The following ANKAR variants were observed in gnomAD, a reference collection of about 807,000 sequenced individuals.
ANKAR encodes the protein ankyrin and armadillo repeat-containing protein.
A neutral mutation model predicts 146.2 loss-of-function variants in ANKAR; 136 were observed. The ratio of observed to expected loss-of-function variants is 0.93; its 90% CI spans 0.81 to 1.07. The LOEUF (loss-of-function observed/expected upper bound fraction) is 1.07. Ranked by LOEUF, ANKAR falls within the 50% of genes least tolerant of loss-of-function variation. The pLI is 0.00. For missense variants in ANKAR, 1,567 were observed against 1,679.9 expected (o/e 0.93, Z 1.18); for synonymous variants, 500 against 575.8 (o/e 0.87, Z 1.88).
intron 10 of ANKAR, among the ~76,000 whole-genome samples, chr2:189,714,967 AG>A (rs370882942): frequency 0.11 from 10,372 of 91,978 alleles, 1,532 homozygotes; most frequent in African/African-American, 0.34. Flanking sequence ...AAAAAAAAAA[AG>A]AGAGAGAGAG....
At chr2:189,742,888 ACACAC>A (rs1338864534) in intron 20 of ANKAR, among the ~76,000 whole-genome samples, 1 of 127,786 alleles carries the variant, frequency 7.8e-6, no homozygotes, top group Non-Finnish European at 1.7e-5. Flanking sequence ...ACACACACAC[ACACAC>A]TAGAATTACC....
chr2:189,736,593 T>A lies in ANKAR; in HGVS notation c.3424-1090T>A, dbSNP rs150118715. Among the ~76,000 whole-genome samples the A allele has an allele frequency of 6.8e-5, 10 of 147,228 alleles. No homozygotes were observed. In the East Asian group the frequency reaches 2.1e-3, roughly 30 times the overall value. ...ATATATATAAAATGACAGGGTAGCA[T>A]AATGAACCTAAATGTTCCCACCCAG... On this transcript the variant is annotated intron_variant, in intron 17 of 22. Transcript: ENST00000684021.
Position 189,728,853 on chromosome 2 carries a change from T to G in ANKAR, c.3193+32T>G, listed in dbSNP as rs745740942. 1.3e-5 allele frequency: 21 copies of G among 1,591,558 alleles called. No homozygotes were observed. In the East Asian group the frequency reaches 4.5e-4, roughly 34 times the overall value. ...ATACTTATTCTCAATTTCTTAAATA[T>G]CTGTAAGAACAAGAACAGATTGCGC... is the stretch of plus-strand genomic sequence containing the variant. On this transcript the variant is annotated intron_variant, in intron 15 of 22. Transcript: ENST00000684021.
intron 15 of ANKAR, 93 bp downstream of exon 15, chr2:189,728,914 C>T (rs2042137960): frequency 3.2e-6 from 4 of 1,249,940 alleles, no homozygotes; most frequent in Non-Finnish European, 3.3e-6. Flanking sequence ...CCTCTCTATC[C>T]CCACTGTTTG....
chr2:189,691,975 T>G (rs1343222700), intron 3 of ANKAR, among the ~76,000 whole-genome samples: 3 of 152,078 alleles, frequency 2.0e-5, no homozygotes, highest in Non-Finnish European at 4.4e-5. Flanking sequence ...TTGCCCAGAC[T>G]GGTCTTGAAC....
At chr2:189,708,386 A>G (rs1051204272) in intron 9 of ANKAR, among the ~76,000 whole-genome samples, 2 of 152,222 alleles carry the variant, frequency 1.3e-5, no homozygotes, top group African/African-American at 4.8e-5. Flanking sequence ...ATAGATATGT[A>G]TGTTCAGACA....
chr2:189,744,299 G>T (rs2043753725), intron 21 of ANKAR, among the ~76,000 whole-genome samples: 1 of 152,144 alleles, frequency 6.6e-6, no homozygotes, highest in African/African-American at 2.4e-5. Context: ...ATAAGCCAGG[G>T]AAGCTAAATT....
chr2:189,715,597 G>A (rs2040353582), intron 10 of ANKAR, among the ~76,000 whole-genome samples: 1 of 152,174 alleles, frequency 6.6e-6, no homozygotes, highest in South Asian at 2.1e-4. Context: ...TATGAGGCCA[G>A]CATCATCCTG....
rs146151933 is a variant in ANKAR at position 189,740,554 on chromosome 2, CTT to C, written c.3701-786_3701-785del. Among the ~76,000 whole-genome samples, 832 of 152,240 alleles carry C rather than the reference CTT, an allele frequency of 5.5e-3. 3 individuals carry two copies. The highest frequency in any genetic ancestry group is 0.018 in the African/African-American group (754 of 41,546). ...AGCTGCACATTTAATTATTGGGACA[CTT>C]TATTATTTTAAATCTGAAAACATTT... On this transcript the variant is annotated intron_variant, in intron 19 of 22. Coordinates refer to ENST00000684021, the MANE Select transcript of ANKAR (RefSeq NM_001378068.1).
Position 189,692,327 on chromosome 2 carries a change from A to G in ANKAR, c.1112A>G (p.His371Arg). 3 of 1,613,632 alleles carry G rather than the reference A, an allele frequency of 1.9e-6. No individual in the cohort carries two copies. Among genetic ancestry groups the G allele is most frequent in the South Asian group, 2.2e-5 (2 of 91,008 alleles). ...YGRDFKCQNF[H>R]YKENQYFHVH... ...AGAGATTTTAAATGCCAGAATTTTC[A>G]CTACAAAGAGAATCAATATTTTCAT... Residue 371 changes from histidine (H) to arginine (R), a missense_variant, in exon 4 of 23, where the codon CAC becomes CGC. Physicochemically the swap from His to Arg is conservative, Grantham distance 29. Transcript: ENST00000684021.
In ANKAR at chr2:189,677,066, C is replaced by T. The variant is rs556471471; in HGVS notation, c.576C>T (p.Asp192=). ...ATGGAAAACCTCAAACAAATAAAGA[C>T]ATTTTTTCAGAGTTTAGTTCAGCAG... ...DPDGKPQTNK[D]IFSEFSSAGL... is the part of the protein sequence containing the mutation. The change falls in exon 2 of 23, where the codon GAC becomes GAT. Residue 192 remains aspartate (D), a synonymous_variant. Coordinates refer to ENST00000684021, the MANE Select transcript of ANKAR (RefSeq NM_001378068.1). 6.4e-6 allele frequency: 10 copies of T among 1,565,682 alleles called. No individual in the cohort carries two copies. The highest frequency in any genetic ancestry group is 8.6e-6 in the Non-Finnish European group (10 of 1,162,710).
At chr2:189,717,061 A>C (rs2040561130) in intron 10 of ANKAR, among the ~76,000 whole-genome samples, 1 of 152,148 alleles carries the variant, frequency 6.6e-6, no homozygotes, top group Non-Finnish European at 1.5e-5. Flanking sequence ...CACCAAAAGC[A>C]ATGGCAACAA....
intron 12 of ANKAR, among the ~76,000 whole-genome samples, chr2:189,723,558 C>T (rs1018533898): frequency 6.6e-6 from 1 of 152,088 alleles, no homozygotes; most frequent in African/African-American, 2.4e-5. Context: ...TCACATATTT[C>T]TGCAGAAATT....
At chr2:189,675,494 A>G (rs911800929) in intron 1 of ANKAR, among the ~76,000 whole-genome samples, 5 of 151,902 alleles carry the variant, frequency 3.3e-5, no homozygotes, top group African/African-American at 1.2e-4. Context: ...GATTACAGGC[A>G]TGTACGACCA....
chr2:189,713,651 G>A (rs1453147796), intron 10 of ANKAR, among the ~76,000 whole-genome samples: 1 of 152,220 alleles, frequency 6.6e-6, no homozygotes, highest in Non-Finnish European at 1.5e-5. Flanking sequence ...ACCAGCCACT[G>A]CAAAAACATG....
chr2:189,725,986 A>C (rs921466627), intron 12 of ANKAR, among the ~76,000 whole-genome samples: 1 of 152,210 alleles, frequency 6.6e-6, no homozygotes, highest in Admixed American at 6.5e-5. Flanking sequence ...TAACAACTGG[A>C]TAAACAAGGA....
In ANKAR at chr2:189,713,259, T is replaced by A. The variant is rs184468010; in HGVS notation, c.2224+2106T>A. The stretch of plus-strand genomic sequence containing the variant: ...GAAGGCCAACATTCAATTCAGGAAA[T>A]ACAGAGAACACCACAAAGATACTCC... On this transcript the variant is annotated intron_variant, in intron 10 of 22. Transcript: ENST00000684021. 8.9e-3 allele frequency among the ~76,000 whole-genome samples: 1,355 copies of A among 152,186 alleles called. 13 individuals carry two copies. Among genetic ancestry groups the A allele is most frequent in the Non-Finnish European group, 0.015 (1,005 of 68,000 alleles).
At chr2:189,725,934 G>C (rs918130455) in intron 12 of ANKAR, among the ~76,000 whole-genome samples, 5 of 151,970 alleles carry the variant, frequency 3.3e-5, no homozygotes, top group Non-Finnish European at 4.4e-5. Flanking sequence ...GAAAAGAAAA[G>C]TAAAGGGTTG....
chr2:189,731,402 C>G (rs1461842888), intron 16 of ANKAR, among the ~76,000 whole-genome samples: 1 of 123,534 alleles, frequency 8.1e-6, no homozygotes, highest in East Asian at 2.4e-4. Flanking sequence ...GAGACAGAAT[C>G]TCGCTCTGTT....
Sources: gnomAD v4.1 joint callset for allele counts (sites outside exome capture counted in the v4.1 genomes callset) on GRCh38, gnomAD v4.1.1 for gene constraint, MANE v1.5 for transcripts, NCBI Gene and HGNC (gene_info 2026-07-23, HGNC 2026-07-21) for gene names.